Variants in SLC24A2 observed in about 807,000 individuals in gnomAD.
The protein encoded by SLC24A2 is solute carrier family 24 member 2.
A neutral mutation model predicts 62.0 loss-of-function variants in SLC24A2; 36 were observed. The observed-to-expected ratio is 0.58, with a 90% CI of 0.44 to 0.77. The LOEUF is 0.77. Ranked by LOEUF, SLC24A2 falls within the 30% of genes least tolerant of loss-of-function variation. SLC24A2 has a pLI of 0.00. For missense variants in SLC24A2, 846 were observed against 817.9 expected, an observed-to-expected ratio of 1.03 and a Z score of -0.42; for synonymous variants, 358 against 294.0, an observed-to-expected ratio of 1.22 and a Z score of -2.23.
chr9:20,102,850 A>G, the SLC24A2 span, among the ~76,000 whole-genome samples: 1 of 151,490 alleles, frequency 6.6e-6, no homozygotes, highest in East Asian at 1.9e-4. Context: ...TGGGCGCAGG[A>G]CAGTAGGTGC....
intron 2 of SLC24A2, among the ~76,000 whole-genome samples, chr9:19,751,967 C>A (rs952612931): frequency 6.6e-6 from 1 of 152,142 alleles, no homozygotes; most frequent in Non-Finnish European, 1.5e-5. Context: ...TTTCTATGTA[C>A]CAGCTGCTTC....
At chr9:19,647,587 T>C (rs954698451) in intron 2 of SLC24A2, among the ~76,000 whole-genome samples, 2 of 152,280 alleles carry the variant, frequency 1.3e-5, no homozygotes, top group South Asian at 4.1e-4. Context: ...TTAATGGCAA[T>C]TTAAGGGCAG....
chr9:19,954,609 G>C, the SLC24A2 span, among the ~76,000 whole-genome samples: 1 of 151,734 alleles, frequency 6.6e-6, no homozygotes. Flanking sequence ...TAAATCTAGA[G>C]AGTCCATATT....
At chr9:19,590,933 G>C (rs1248225702) in intron 5 of SLC24A2, among the ~76,000 whole-genome samples, 1 of 152,122 alleles carries the variant, frequency 6.6e-6, no homozygotes, top group Non-Finnish European at 1.5e-5. Flanking sequence ...TCAATTCATT[G>C]ATGCGGTCAC....
the SLC24A2 span, among the ~76,000 whole-genome samples, chr9:19,944,263 T>G: frequency 6.6e-6 from 1 of 152,040 alleles, no homozygotes; most frequent in African/African-American, 2.4e-5. Context: ...AAAGTCTTAG[T>G]AGAAACAGTC....
chr9:20,181,123 G>T, the SLC24A2 span, among the ~76,000 whole-genome samples: 2 of 152,180 alleles, frequency 1.3e-5, no homozygotes, highest in Admixed American at 1.3e-4. Flanking sequence ...AGCCCAGATT[G>T]TTAGGGATAC....
At chr9:19,999,112 A>G in the SLC24A2 span, among the ~76,000 whole-genome samples, 1 of 152,330 alleles carries the variant, frequency 6.6e-6, no homozygotes, top group Admixed American at 6.5e-5. Context: ...GCTAATGCCT[A>G]CCCACTGGGG....
the SLC24A2 span, among the ~76,000 whole-genome samples, chr9:20,024,340 C>A: frequency 6.6e-6 from 1 of 152,164 alleles, no homozygotes; most frequent in South Asian, 2.1e-4. Flanking sequence ...AATCAGTGAA[C>A]TCACATCCAC....
At chr9:20,022,152 A>G in the SLC24A2 span, among the ~76,000 whole-genome samples, 855 of 152,250 alleles carry the variant, frequency 5.6e-3, 12 homozygotes, top group African/African-American at 0.02. Flanking sequence ...TGTCTTTCTG[A>G]AATGTCTTCT....
At chr9:20,113,220 A>C in the SLC24A2 span, among the ~76,000 whole-genome samples, 4 of 152,160 alleles carry the variant, frequency 2.6e-5, no homozygotes, top group Admixed American at 6.6e-5. Flanking sequence ...CTAGGGAACC[A>C]GGCAGCATGG....
At chr9:19,883,830 T>A in the SLC24A2 span, among the ~76,000 whole-genome samples, 5 of 152,264 alleles carry the variant, frequency 3.3e-5, no homozygotes, top group East Asian at 9.7e-4. Context: ...CTCCCAACTC[T>A]ACACTGTTTT....
chr9:20,109,487 T>C, the SLC24A2 span, among the ~76,000 whole-genome samples: 1 of 152,184 alleles, frequency 6.6e-6, no homozygotes, highest in Non-Finnish European at 1.5e-5. Context: ...CAAGCTTTAG[T>C]ATATGCTAAG....
the SLC24A2 span, among the ~76,000 whole-genome samples, chr9:20,253,876 A>G: frequency 1.3e-5 from 2 of 152,142 alleles, no homozygotes; most frequent in Non-Finnish European, 1.5e-5. Flanking sequence ...TGGGCACCGC[A>G]ATTACTTCTT....
the SLC24A2 span, among the ~76,000 whole-genome samples, chr9:20,141,531 C>A: frequency 5.3e-5 from 8 of 152,080 alleles, no homozygotes; most frequent in East Asian, 1.5e-3. Flanking sequence ...GACGGTATGT[C>A]ACAGCCTAAC....
the SLC24A2 span, among the ~76,000 whole-genome samples, chr9:20,156,748 C>T: frequency 3.3e-5 from 5 of 151,768 alleles, no homozygotes; most frequent in Non-Finnish European, 7.4e-5. Context: ...TAGAGTTTAT[C>T]TGTGTATTAG....
At chr9:19,713,048 A>G (rs1485755839) in intron 2 of SLC24A2, among the ~76,000 whole-genome samples, 1 of 151,886 alleles carries the variant, frequency 6.6e-6, no homozygotes, top group Non-Finnish European at 1.5e-5. Context: ...CTTTTTCAAA[A>G]CCCTACACCT....
chr9:19,849,731 CCTT>C, the SLC24A2 span, among the ~76,000 whole-genome samples: 1 of 152,140 alleles, frequency 6.6e-6, no homozygotes, highest in Non-Finnish European at 1.5e-5. Context: ...ACGTCTCTGT[CCTT>C]CTAAGTCTGG....
At chr9:20,149,162 C>T in the SLC24A2 span, among the ~76,000 whole-genome samples, 7 of 152,078 alleles carry the variant, frequency 4.6e-5, no homozygotes, top group East Asian at 1.2e-3. Context: ...GTGAGAAACT[C>T]ATCTAGTCCA....
intron 9 of SLC24A2, among the ~76,000 whole-genome samples, chr9:19,522,880 T>C (rs1391453118): frequency 6.6e-6 from 1 of 152,242 alleles, no homozygotes. Flanking sequence ...TATTCTCAAA[T>C]TGTCAGTTTT....
Sources: gnomAD v4.1 joint callset for allele counts (sites outside exome capture counted in the v4.1 genomes callset) on GRCh38, gnomAD v4.1.1 for gene constraint, MANE v1.5 for transcripts, NCBI Gene and HGNC (gene_info 2026-07-23, HGNC 2026-07-21) for gene names.